SPMIP7: variants seen among roughly 807,000 people sequenced by gnomAD.
The protein encoded by SPMIP7 is sperm microtubule inner protein 7, also known as protein SPMIP7.
chr7:50,148,978 C>G, the SPMIP7 span, among the ~76,000 whole-genome samples: 3 of 152,148 alleles, frequency 2.0e-5, no homozygotes, highest in African/African-American at 7.2e-5. Context: ...AACCCCGACT[C>G]TACTAAAAAT....
the SPMIP7 span, among the ~76,000 whole-genome samples, chr7:50,155,701 T>C: frequency 1.3e-5 from 2 of 152,054 alleles, no homozygotes; most frequent in African/African-American, 4.8e-5. Context: ...CTACTGTTAC[T>C]CCCAGAGAAT....
chr7:50,156,890 T>G, the SPMIP7 span, among the ~76,000 whole-genome samples: 1 of 151,964 alleles, frequency 6.6e-6, no homozygotes, highest in Admixed American at 6.6e-5. Flanking sequence ...TCCTTTCACT[T>G]CTAAACTTCT....
At chr7:50,123,681 G>C in the SPMIP7 span, among the ~76,000 whole-genome samples, 11 of 152,014 alleles carry the variant, frequency 7.2e-5, no homozygotes, top group Non-Finnish European at 1.5e-4. Flanking sequence ...CATGCACATT[G>C]TTTCTTCTAG....
At chr7:50,104,426 TG>T in the SPMIP7 span, 1 of 1,299,774 alleles carries the variant, frequency 7.7e-7, no homozygotes, top group South Asian at 1.5e-5. Context: ...GATTTTCTTC[TG>T]GGTGGTGTTA....
At chr7:50,117,471 A>C in the SPMIP7 span, 1 of 259,454 alleles carries the variant, frequency 3.9e-6, no homozygotes, top group Non-Finnish European at 7.9e-6. Context: ...TTGTCAGCAA[A>C]TAGATTAACA....
At chr7:50,123,436 AG>A in the SPMIP7 span, among the ~76,000 whole-genome samples, 1 of 103,276 alleles carries the variant, frequency 9.7e-6, no homozygotes. Flanking sequence ...GGAAGGGGGG[AG>A]GGATAGCATT....
At chr7:50,147,170 G>T in the SPMIP7 span, among the ~76,000 whole-genome samples, 139 of 152,302 alleles carry the variant, frequency 9.1e-4, 1 homozygote, top group Middle Eastern at 6.8e-3. Context: ...CTTGATGTCT[G>T]CCTAGAACTG....
At chr7:50,116,503 A>G in the SPMIP7 span, among the ~76,000 whole-genome samples, 1 of 152,252 alleles carries the variant, frequency 6.6e-6, no homozygotes, top group Middle Eastern at 3.2e-3. Flanking sequence ...TAACCATTGT[A>G]TCAAAAACTA....
chr7:50,152,878 G>C, the SPMIP7 span, among the ~76,000 whole-genome samples: 1 of 151,998 alleles, frequency 6.6e-6, no homozygotes, highest in Non-Finnish European at 1.5e-5. Flanking sequence ...GTAGAGACAG[G>C]GTTTCCCCAT....
At chr7:50,151,474 C>T in the SPMIP7 span, 54 of 1,551,170 alleles carry the variant, frequency 3.5e-5, no homozygotes, top group African/African-American at 2.2e-4. Flanking sequence ...CAGGATATAC[C>T]GGCAAGGTTC....
the SPMIP7 span, among the ~76,000 whole-genome samples, chr7:50,145,728 G>A: frequency 4.9e-5 from 7 of 141,608 alleles, no homozygotes; most frequent in African/African-American, 1.8e-4. Context: ...TATTTCCAAA[G>A]AATAAACAGG....
the SPMIP7 span, among the ~76,000 whole-genome samples, chr7:50,129,406 T>C: frequency 5.9e-5 from 9 of 152,056 alleles, no homozygotes; most frequent in Non-Finnish European, 8.8e-5. Flanking sequence ...CGTTCTAAAA[T>C]TTTTTTAATT....
chr7:50,138,283 C>T, the SPMIP7 span, among the ~76,000 whole-genome samples: 1 of 152,148 alleles, frequency 6.6e-6, no homozygotes, highest in Admixed American at 6.5e-5. Flanking sequence ...GGCCTGTTGG[C>T]TAAAGCCTGT....
the SPMIP7 span, among the ~76,000 whole-genome samples, chr7:50,158,333 C>T: frequency 1.3e-5 from 2 of 151,038 alleles, no homozygotes; most frequent in Non-Finnish European, 3.0e-5. Context: ...GGGTCCCTGC[C>T]ACCCATGTCT....
At chr7:50,127,318 T>A in the SPMIP7 span, among the ~76,000 whole-genome samples, 1 of 151,842 alleles carries the variant, frequency 6.6e-6, no homozygotes, top group Non-Finnish European at 1.5e-5. Flanking sequence ...AAAAAAGTCA[T>A]GAGGAAATGA....
the SPMIP7 span, among the ~76,000 whole-genome samples, chr7:50,153,818 C>T: frequency 6.6e-6 from 1 of 151,978 alleles, no homozygotes; most frequent in African/African-American, 2.4e-5. Flanking sequence ...TAAAGGCACC[C>T]TAGGGGGTGG....
chr7:50,110,229 T>A, the SPMIP7 span, among the ~76,000 whole-genome samples: 1 of 151,448 alleles, frequency 6.6e-6, no homozygotes, highest in Non-Finnish European at 1.5e-5. Flanking sequence ...AGTAAAGACC[T>A]AATCAACCAG....
the SPMIP7 span, among the ~76,000 whole-genome samples, chr7:50,120,948 C>T: frequency 1.3e-5 from 2 of 152,034 alleles, no homozygotes; most frequent in Non-Finnish European, 1.5e-5. Flanking sequence ...GAGTTTGGTT[C>T]GCAGAGATTC....
the SPMIP7 span, among the ~76,000 whole-genome samples, chr7:50,110,285 G>A: frequency 1.9e-3 from 280 of 151,034 alleles, no homozygotes; most frequent in Non-Finnish European, 3.0e-3. Flanking sequence ...TCTTAAAAGC[G>A]GCCAGAGGTG....
Sources: allele counts gnomAD v4.1 joint callset (sites outside exome capture counted in the v4.1 genomes callset), GRCh38; gene constraint gnomAD v4.1.1; transcripts MANE v1.5; gene names NCBI Gene and HGNC (gene_info 2026-07-23, HGNC 2026-07-21).